CCDC7: variants seen among roughly 807,000 people sequenced by gnomAD.
The protein encoded by CCDC7 is coiled-coil domain-containing protein 7.
A neutral mutation model predicts 196.9 loss-of-function variants in CCDC7; 183 were observed. The ratio of observed to expected loss-of-function variants is 0.93; its 90% confidence interval spans 0.82 to 1.05. The LOEUF (loss-of-function observed/expected upper bound fraction) is 1.05. CCDC7 is among the 50% of genes least tolerant of loss of function. The pLI, the probability that CCDC7 is intolerant of heterozygous loss-of-function variation, is 0.00. For synonymous variants in CCDC7, 525 were observed against 484.6 expected (o/e 1.08, Z -1.10); for missense variants, 1,540 against 1,482.2 (o/e 1.04, Z -0.64).
At chr10:32,816,467 C>T (rs1236767903) in intron 31 of CCDC7, among the ~76,000 whole-genome samples, 1 of 152,198 alleles carries the variant, frequency 6.6e-6, no homozygotes, top group Non-Finnish European at 1.5e-5. Flanking sequence ...ATGTCCCTGT[C>T]TGACAGCTTT....
intron 9 of CCDC7, among the ~76,000 whole-genome samples, chr10:32,506,958 C>G (rs2045279595): frequency 6.6e-6 from 1 of 152,138 alleles, no homozygotes; most frequent in African/African-American, 2.4e-5. Context: ...ATAAGTATAG[C>G]CACTCATGCC....
chr10:32,478,487 T>A (rs796705748), intron 8 of CCDC7, among the ~76,000 whole-genome samples: 2 of 152,196 alleles, frequency 1.3e-5, no homozygotes, highest in African/African-American at 4.8e-5. Flanking sequence ...ACTTCTATTT[T>A]ATTTATAATT....
intron 25 of CCDC7, among the ~76,000 whole-genome samples, chr10:32,713,216 G>T (rs2081092112): frequency 6.6e-6 from 1 of 152,212 alleles, no homozygotes; most frequent in Non-Finnish European, 1.5e-5. Flanking sequence ...TTTAGAAAGA[G>T]GTCCTGTTTG....
chr10:32,631,114 A>T (rs2139460300), intron 18 of CCDC7, among the ~76,000 whole-genome samples: 1 of 152,228 alleles, frequency 6.6e-6, no homozygotes, highest in Non-Finnish European at 1.5e-5. Context: ...GAATGATGAA[A>T]CCTCTAGATG....
chr10:32,679,068 A>G (rs1015350023), intron 21 of CCDC7, among the ~76,000 whole-genome samples: 1 of 152,122 alleles, frequency 6.6e-6, no homozygotes, highest in Non-Finnish European at 1.5e-5. Flanking sequence ...TTTCATAGAA[A>G]TTTTTAACTT....
chr10:32,681,977 A>G (rs774153230), intron 21 of CCDC7, among the ~76,000 whole-genome samples: 10 of 152,066 alleles, frequency 6.6e-5, no homozygotes, highest in Non-Finnish European at 1.5e-4. Context: ...AATCCTGACT[A>G]ATCCACAACA....
At chr10:32,606,839 T>C (rs957913062) in intron 18 of CCDC7, among the ~76,000 whole-genome samples, 1 of 152,156 alleles carries the variant, frequency 6.6e-6, no homozygotes, top group Non-Finnish European at 1.5e-5. Context: ...CTTGGGACTT[T>C]TGAGTTAATG....
At chr10:32,594,073 C>T (rs1463066166) in intron 18 of CCDC7, among the ~76,000 whole-genome samples, 1 of 152,100 alleles carries the variant, frequency 6.6e-6, no homozygotes, top group East Asian at 1.9e-4. Context: ...TAGTTTTTTC[C>T]AATTCTGTGA....
intron 24 of CCDC7, among the ~76,000 whole-genome samples, chr10:32,709,077 TC>T (rs2080332730): frequency 6.6e-6 from 1 of 152,102 alleles, no homozygotes; most frequent in Admixed American, 6.6e-5. Flanking sequence ...AACCCAAATG[TC>T]CCTCAGTGAT....
chr10:32,606,286 A>G (rs2061550206), intron 18 of CCDC7, among the ~76,000 whole-genome samples: 1 of 152,230 alleles, frequency 6.6e-6, no homozygotes. Flanking sequence ...TTGGGTGCCG[A>G]GGCAGAATGC....
At chr10:32,642,952 A>C (rs1200298331) in intron 20 of CCDC7, among the ~76,000 whole-genome samples, 2 of 152,238 alleles carry the variant, frequency 1.3e-5, no homozygotes, top group Non-Finnish European at 2.9e-5. Flanking sequence ...ATTATTTTAA[A>C]TTAAAGTTAA....
intron 28 of CCDC7, among the ~76,000 whole-genome samples, chr10:32,753,220 C>T (rs1022069224): frequency 1.3e-5 from 2 of 151,916 alleles, no homozygotes; most frequent in African/African-American, 4.8e-5. Context: ...TAAAATTGCC[C>T]AAGTGGAAAC....
At chr10:32,604,749 A>G (rs1278396590) in intron 18 of CCDC7, among the ~76,000 whole-genome samples, 1 of 151,910 alleles carries the variant, frequency 6.6e-6, no homozygotes, top group African/African-American at 2.4e-5. Flanking sequence ...ATAGAAATGC[A>G]ACTGATTTTT....
chr10:32,730,504 AT>A (rs566634643), intron 28 of CCDC7, among the ~76,000 whole-genome samples: 2 of 152,108 alleles, frequency 1.3e-5, no homozygotes, highest in African/African-American at 4.8e-5. Context: ...ATAAGGAAAA[AT>A]TTTAAATATA....
At chr10:32,834,830 A>G (rs1396804255) in exon 33 of CCDC7, 2 of 1,439,620 alleles carry the variant, frequency 1.4e-6, no homozygotes, top group South Asian at 2.3e-5. Flanking sequence ...GTCTTAAAAC[A>G]CTTGAAAGGT....
chr10:32,568,848 T>C (rs1009059547), intron 15 of CCDC7, among the ~76,000 whole-genome samples: 7 of 152,228 alleles, frequency 4.6e-5, no homozygotes, highest in African/African-American at 7.2e-5. Flanking sequence ...GTGAGTAATA[T>C]TGAGTTAGAT....
At chr10:32,622,248 A>G (rs1472436159) in intron 18 of CCDC7, among the ~76,000 whole-genome samples, 1 of 152,170 alleles carries the variant, frequency 6.6e-6, no homozygotes, top group Admixed American at 6.5e-5. Context: ...ATAGAGTCCT[A>G]TCTACTTGCT....
intron 20 of CCDC7, among the ~76,000 whole-genome samples, chr10:32,643,203 G>C (rs1283837384): frequency 6.6e-6 from 1 of 152,070 alleles, no homozygotes; most frequent in African/African-American, 2.4e-5. Flanking sequence ...TGGTGCATAT[G>C]TATAAAAATT....
intron 16 of CCDC7, among the ~76,000 whole-genome samples, chr10:32,580,755 T>C (rs1275106098): frequency 6.6e-6 from 1 of 151,974 alleles, no homozygotes; most frequent in Non-Finnish European, 1.5e-5. Context: ...CTGTGAGAGT[T>C]TTTTTCCCTA....
Sources: allele counts gnomAD v4.1 joint callset (sites outside exome capture counted in the v4.1 genomes callset), GRCh38; gene constraint gnomAD v4.1.1; transcripts MANE v1.5; gene names NCBI Gene and HGNC (gene_info 2026-07-23, HGNC 2026-07-21).